FER: variants seen among roughly 807,000 people sequenced by gnomAD.
FER encodes FER tyrosine kinase.
A neutral mutation model predicts 111.0 loss-of-function variants in FER; 63 were observed. The observed-to-expected ratio is 0.57, with a 90% CI of 0.46 to 0.70. FER has a LOEUF of 0.70. Ranked by LOEUF, FER falls within the 30% of genes least tolerant of loss-of-function variation. The probability of loss-of-function intolerance (pLI) is 0.00; values close to 1 mark genes in which losing one functional copy is unlikely to be tolerated. For missense variants in FER, 914 were observed against 954.0 expected (o/e 0.96, Z 0.55); for synonymous variants, 327 against 313.9 (o/e 1.04, Z -0.44).
intron 10 of FER, among the ~76,000 whole-genome samples, chr5:108,908,185 C>T (rs373304658): frequency 1.3e-5 from 2 of 151,904 alleles, no homozygotes; most frequent in Non-Finnish European, 2.9e-5. Context: ...TAGCTTAATG[C>T]GGATATATTG....
intron 17 of FER, among the ~76,000 whole-genome samples, chr5:109,169,144 A>G (rs1391697277): frequency 2.0e-5 from 3 of 152,210 alleles, no homozygotes. Flanking sequence ...ATGGAAGGAC[A>G]TTGGGTGAAT....
chr5:108,889,698 C>T (rs1039322465), intron 9 of FER, among the ~76,000 whole-genome samples: 13 of 151,754 alleles, frequency 8.6e-5, no homozygotes, highest in African/African-American at 2.2e-4. Flanking sequence ...AGGATAAATG[C>T]TTGAGGTGAT....
chr5:108,861,572 GA>G (rs895582728), intron 5 of FER, among the ~76,000 whole-genome samples: 1 of 151,666 alleles, frequency 6.6e-6, no homozygotes, highest in Non-Finnish European at 1.5e-5. Context: ...ATCATTTAAA[GA>G]AAAAAGAAAA....
At chr5:108,854,986 G>A (rs1433369302) in intron 5 of FER, among the ~76,000 whole-genome samples, 2 of 143,688 alleles carry the variant, frequency 1.4e-5, no homozygotes, top group Admixed American at 7.1e-5. Context: ...TAGAGGATTT[G>A]CCATTGAATT....
chr5:109,183,248 GTTTT>G (rs10682212), intron 18 of FER, among the ~76,000 whole-genome samples: 13 of 115,666 alleles, frequency 1.1e-4, no homozygotes, highest in Admixed American at 8.2e-4. Flanking sequence ...ATCCTAGCGT[GTTTT>G]TTTTTTTTTT....
chr5:109,179,659 A>G (rs1758072773), intron 17 of FER, among the ~76,000 whole-genome samples: 1 of 152,180 alleles, frequency 6.6e-6, no homozygotes, highest in Non-Finnish European at 1.5e-5. Context: ...CTAAACATAC[A>G]AACTTCCTTG....
At chr5:108,771,918 C>T (rs1487036993) in intron 2 of FER, among the ~76,000 whole-genome samples, 3 of 152,116 alleles carry the variant, frequency 2.0e-5, no homozygotes, top group Admixed American at 2.0e-4. Flanking sequence ...ATTTTGGCTG[C>T]TATGACAAAA....
chr5:109,018,419 T>G (rs1040781766), intron 13 of FER, among the ~76,000 whole-genome samples: 2 of 151,894 alleles, frequency 1.3e-5, no homozygotes, highest in Non-Finnish European at 2.9e-5. Flanking sequence ...GGACTACACA[T>G]GTAGAGAACC....
intron 17 of FER, among the ~76,000 whole-genome samples, chr5:109,172,378 G>A (rs192592524): frequency 8.5e-4 from 128 of 149,830 alleles, no homozygotes; most frequent in African/African-American, 2.9e-3. Flanking sequence ...GTAAACTATC[G>A]CAAGGACAAA....
chr5:109,118,511 C>T (rs535162179), intron 17 of FER, among the ~76,000 whole-genome samples: 3 of 152,250 alleles, frequency 2.0e-5, no homozygotes, highest in East Asian at 1.9e-4. Context: ...CAGGATGATG[C>T]TGGCCTCATA....
intron 10 of FER, among the ~76,000 whole-genome samples, chr5:108,943,672 GT>G (rs1185901071): frequency 6.6e-6 from 1 of 151,990 alleles, no homozygotes; most frequent in African/African-American, 2.4e-5. Flanking sequence ...AACTTGATAG[GT>G]ATGATTTTAC....
At chr5:109,164,284 G>GA (rs1756308919) in intron 17 of FER, among the ~76,000 whole-genome samples, 1 of 152,128 alleles carries the variant, frequency 6.6e-6, no homozygotes, top group Admixed American at 6.6e-5. Flanking sequence ...CATAATTGCT[G>GA]ATTGTTTTCA....
intron 10 of FER, among the ~76,000 whole-genome samples, chr5:108,938,026 TCACACACACACACACACACA>T (rs201092702): frequency 1.7e-4 from 22 of 130,898 alleles, no homozygotes; most frequent in Non-Finnish European, 2.4e-4. Flanking sequence ...TATCTCTCTC[TCACACACACACACACACACA>T]CACACACACA....
chr5:108,817,259 C>T (rs1758384168), intron 3 of FER, among the ~76,000 whole-genome samples: 1 of 150,844 alleles, frequency 6.6e-6, no homozygotes, highest in Non-Finnish European at 1.5e-5. Context: ...TTCCTTTGAA[C>T]TTGCGATTGA....
intron 5 of FER, among the ~76,000 whole-genome samples, chr5:108,848,625 T>C (rs1326450881): frequency 6.6e-6 from 1 of 152,108 alleles, no homozygotes; most frequent in East Asian, 1.9e-4. Context: ...TGTGCTATTA[T>C]TGTGATATAT....
chr5:108,924,689 G>T (rs971835225), intron 10 of FER: 1 of 1,231,928 alleles, frequency 8.1e-7, no homozygotes, highest in Non-Finnish European at 1.0e-6. Flanking sequence ...TGTCCTCATT[G>T]TAAGGATCAG....
chr5:108,954,921 C>A lies in FER; in HGVS notation c.1522C>A (p.Gln508Lys), dbSNP rs749345973. 3.7e-6 allele frequency: 6 copies of A among 1,605,958 alleles called. No individual in the cohort carries two copies. In the Admixed American group the frequency reaches 8.4e-5, roughly 22 times the overall value. The change falls in exon 12 of 20, where the codon CAA (glutamine) becomes AAA (lysine). Residue 508 changes from glutamine to lysine, a missense_variant. Physicochemically the swap from Gln to Lys is moderately conservative, Grantham distance 53. This residue lies in a region of FER where 774 missense variants were observed against 782.6 expected (regional missense o/e 0.99). Transcript: ENST00000281092. The part of the protein sequence containing the change: ...SDGQRRHFII[Q>K]YVDNMYRFEG... ...TGGACAGAGGAGACATTTTATCATA[C>A]AATATGTTGATGTACGTTTCCAGTT...
At chr5:109,013,532 A>G (rs1380425645) in intron 13 of FER, among the ~76,000 whole-genome samples, 3 of 150,236 alleles carry the variant, frequency 2.0e-5, no homozygotes, top group African/African-American at 7.3e-5. Context: ...TAATGCCGCA[A>G]TAAACATACG....
intron 13 of FER, among the ~76,000 whole-genome samples, chr5:109,004,145 T>G (rs1765196393): frequency 6.6e-6 from 1 of 152,200 alleles, no homozygotes; most frequent in Non-Finnish European, 1.5e-5. Context: ...TGAATGACAG[T>G]TGGGCAGTAA....
Sources: gnomAD v4.1 joint callset for allele counts (sites outside exome capture counted in the v4.1 genomes callset) on GRCh38, gnomAD v4.1.1 for gene constraint, gnomAD v4.1.1 regional missense constraint, MANE v1.5 for transcripts, NCBI Gene and HGNC (gene_info 2026-07-23, HGNC 2026-07-21) for gene names.